The following SLC5A4 variants were observed in gnomAD, a reference collection of about 807,000 sequenced individuals.
SLC5A4 encodes the protein probable glucose sensor protein SLC5A4.
A neutral mutation model predicts 70.3 loss-of-function variants in SLC5A4; 55 were observed. The ratio of observed to expected loss-of-function variants is 0.78; its 90% CI spans 0.63 to 0.98. The LOEUF is 0.98. Among genes scored for constraint, SLC5A4 ranks in the 50% least tolerant of loss-of-function variants. SLC5A4 has a pLI of 0.00. For missense variants in SLC5A4, 735 were observed against 839.2 expected, an observed-to-expected ratio of 0.88 and a Z score of 1.53; for synonymous variants, 268 against 305.7, an observed-to-expected ratio of 0.88 and a Z score of 1.29.
chr22:32,332,224 G>C, the SLC5A4 span, among the ~76,000 whole-genome samples: 1 of 152,252 alleles, frequency 6.6e-6, no homozygotes, highest in East Asian at 1.9e-4. Flanking sequence ...CCTTGTCCCT[G>C]GACTAAGAAG....
At chr22:32,316,699 T>G in the SLC5A4 span, among the ~76,000 whole-genome samples, 1 of 80,902 alleles carries the variant, frequency 1.2e-5, no homozygotes, top group Admixed American at 1.2e-4. Flanking sequence ...TCGGCTAATT[T>G]TTTTTTTTTT....
chr22:32,304,240 C>A, the SLC5A4 span, among the ~76,000 whole-genome samples: 1 of 152,176 alleles, frequency 6.6e-6, no homozygotes, highest in Admixed American at 6.5e-5. Context: ...GATTCTCCTG[C>A]CTCAGCCTCC....
At chr22:32,287,011 A>G in the SLC5A4 span, among the ~76,000 whole-genome samples, 6 of 152,226 alleles carry the variant, frequency 3.9e-5, no homozygotes, top group African/African-American at 1.4e-4. Flanking sequence ...TGTGTGTGAG[A>G]GAGACGGGGG....
chr22:32,284,222 G>A, the SLC5A4 span, among the ~76,000 whole-genome samples: 1 of 152,124 alleles, frequency 6.6e-6, no homozygotes, highest in Non-Finnish European at 1.5e-5. Flanking sequence ...ATGGTAACAC[G>A]TTTTGGCATT....
chr22:32,234,834 A>G, intron 8 of SLC5A4, 39 bp downstream of exon 8: 2 of 1,421,982 alleles, frequency 1.4e-6, no homozygotes, highest in East Asian at 2.3e-5. Context: ...ACACAGACAG[A>G]CAGACAGACA....
the SLC5A4 span, among the ~76,000 whole-genome samples, chr22:32,303,411 G>A: frequency 1.2e-4 from 19 of 152,182 alleles, no homozygotes; most frequent in African/African-American, 3.4e-4. Flanking sequence ...GTGGGGTGGC[G>A]TAGAGTAGCC....
At position 32,229,349 on chromosome 22, in the gene SLC5A4, A is replaced by C. The variant is rs748640245; in HGVS notation, c.1130-5T>G. On this transcript the variant is annotated splice_region_variant and splice_polypyrimidine_tract_variant and intron_variant, in intron 10 of 14. Transcript: ENST00000266086. ...AAAGCATCAGGCCTCGCAGTCCTGG[A>C]GCCGGGAAAGGGTACAAGCACTGGT... The C allele has an allele frequency of 6.8e-6, 11 of 1,613,934 alleles. No individual in the cohort carries two copies. Among genetic ancestry groups the C allele is most frequent in the Non-Finnish European group, 9.3e-6 (11 of 1,179,832 alleles).
chr22:32,241,706 G>A (rs1302427610), intron 5 of SLC5A4, among the ~76,000 whole-genome samples: 1 of 151,862 alleles, frequency 6.6e-6, no homozygotes, highest in Non-Finnish European at 1.5e-5. Flanking sequence ...CCAGACCAAT[G>A]TCCTGAAGCA....
chr22:32,261,598 A>C, the SLC5A4 span, among the ~76,000 whole-genome samples: 1 of 152,328 alleles, frequency 6.6e-6, no homozygotes, highest in Admixed American at 6.5e-5. Context: ...TAAGGTTGGC[A>C]TACCCTGGCC....
chr22:32,316,079 G>T, the SLC5A4 span, among the ~76,000 whole-genome samples: 2 of 135,914 alleles, frequency 1.5e-5, no homozygotes, highest in Admixed American at 8.3e-5. Flanking sequence ...TGAAGCAGGA[G>T]AATCGCTTGA....
the SLC5A4 span, among the ~76,000 whole-genome samples, chr22:32,266,022 G>A: frequency 6.6e-6 from 1 of 152,234 alleles, no homozygotes; most frequent in East Asian, 1.9e-4. Context: ...TGGGGCAAAA[G>A]GAAAGGCCCC....
At chr22:32,335,078 G>A in the SLC5A4 span, among the ~76,000 whole-genome samples, 1 of 152,180 alleles carries the variant, frequency 6.6e-6, no homozygotes, top group Non-Finnish European at 1.5e-5. Flanking sequence ...ATCACAGGGA[G>A]GGTCACAGGG....
intron 10 of SLC5A4, among the ~76,000 whole-genome samples, chr22:32,230,456 G>A (rs989537888): frequency 6.6e-6 from 1 of 152,114 alleles, no homozygotes; most frequent in Non-Finnish European, 1.5e-5. Flanking sequence ...CTATTTCACT[G>A]ATGTTTTGTT....
Position 32,255,226 on chromosome 22 carries a change from T to C in SLC5A4, c.104A>G (p.Tyr35Cys), listed in dbSNP as rs750947486. 17 of 1,611,540 alleles carry C rather than the reference T, an allele frequency of 1.1e-5. No homozygotes were observed. In the South Asian group the frequency reaches 1.2e-4, roughly 11 times the overall value. Residue 35 changes from tyrosine (Y) to cysteine (C), a missense_variant, in exon 1 of 15, where the codon TAT becomes TGT. Tyr to Cys is a radical substitution (Grantham distance 194). Transcript: ENST00000266086. Reference sequence around the variant, plus strand: ...CCCAACAGCCATCACCACCAGAAAATAGATGACAATGACTGAGATGTCAGC... The same window carrying C: ...CCCAACAGCCATCACCACCAGAAAACAGATGACAATGACTGAGATGTCAGC... ...NAADISVIVI[Y>C]FLVVMAVGLW...
chr22:32,270,968 G>A, the SLC5A4 span: 1 of 538,590 alleles, frequency 1.9e-6, no homozygotes, highest in Admixed American at 2.7e-5. Context: ...CGATGAGCTA[G>A]GGGGCCACAG....
the SLC5A4 span, among the ~76,000 whole-genome samples, chr22:32,321,636 G>T: frequency 6.6e-6 from 1 of 152,106 alleles, no homozygotes; most frequent in African/African-American, 2.4e-5. Context: ...GCCCTTCAGT[G>T]GGCCCCAGTG....
the SLC5A4 span, among the ~76,000 whole-genome samples, chr22:32,335,156 G>A: frequency 6.6e-6 from 1 of 152,296 alleles, no homozygotes; most frequent in African/African-American, 2.4e-5. Context: ...AGGACACTGG[G>A]AGCCCTGGGA....
chr22:32,330,771 T>C, the SLC5A4 span, among the ~76,000 whole-genome samples: 2 of 44,082 alleles, frequency 4.5e-5, no homozygotes, highest in Admixed American at 2.6e-4. Flanking sequence ...GGTGTATGTG[T>C]TGGGGGCTCT....
the SLC5A4 span, among the ~76,000 whole-genome samples, chr22:32,308,944 T>A: frequency 6.6e-6 from 1 of 152,118 alleles, no homozygotes; most frequent in Non-Finnish European, 1.5e-5. Context: ...CTTCCTTCCT[T>A]CTTACCTACC....
Sources: gnomAD v4.1 joint callset for allele counts (sites outside exome capture counted in the v4.1 genomes callset) on GRCh38, gnomAD v4.1.1 for gene constraint, MANE v1.5 for transcripts, NCBI Gene and HGNC (gene_info 2026-07-23, HGNC 2026-07-21) for gene names.